Variants in GMDS observed in about 807,000 individuals in gnomAD.
GMDS encodes the protein GDP-mannose 4,6-dehydratase.
In GMDS, 20 loss-of-function variants were observed where a neutral mutation model predicts 49.9. That is an observed-to-expected ratio of 0.40 (90% confidence interval 0.28 to 0.58). The LOEUF is 0.58. Ranked by LOEUF, GMDS falls within the 20% of genes least tolerant of loss-of-function variation. GMDS has a pLI of 0.42. For synonymous variants in GMDS, 177 were observed against 178.6 expected, an observed-to-expected ratio of 0.99 and a Z score of 0.07; for missense variants, 362 against 481.4, an observed-to-expected ratio of 0.75 and a Z score of 2.32.
chr6:1,762,755 T>C (rs1768207567), intron 7 of GMDS, among the ~76,000 whole-genome samples: 1 of 152,214 alleles, frequency 6.6e-6, no homozygotes, highest in Non-Finnish European at 1.5e-5. Context: ...TCCCTGTTCA[T>C]TTTTTACAGA....
intron 1 of GMDS, among the ~76,000 whole-genome samples, chr6:2,183,426 T>C (rs1040482576): frequency 1.3e-5 from 2 of 152,204 alleles, no homozygotes; most frequent in Non-Finnish European, 2.9e-5. Context: ...AGCCTGAAGA[T>C]AGGACTGAAT....
At chr6:2,160,068 A>G (rs1178555398) in intron 1 of GMDS, among the ~76,000 whole-genome samples, 1 of 152,246 alleles carries the variant, frequency 6.6e-6, no homozygotes, top group Non-Finnish European at 1.5e-5. Context: ...AGTTAATAGA[A>G]AGCAACTATG....
chr6:1,861,490 G>GCTGTT (rs1338470500), intron 7 of GMDS, among the ~76,000 whole-genome samples: 1 of 151,996 alleles, frequency 6.6e-6, no homozygotes, highest in East Asian at 1.9e-4. Flanking sequence ...ATCAGGAGAG[G>GCTGTT]CTGTTCCAGT....
At chr6:2,023,574 A>G (rs1013372566) in intron 4 of GMDS, among the ~76,000 whole-genome samples, 2 of 152,342 alleles carry the variant, frequency 1.3e-5, no homozygotes, top group African/African-American at 4.8e-5. Context: ...AACACAGAAT[A>G]CAAAAGACTC....
At chr6:1,701,678 T>C (rs1279973819) in intron 9 of GMDS, among the ~76,000 whole-genome samples, 1 of 152,124 alleles carries the variant, frequency 6.6e-6, no homozygotes, top group Non-Finnish European at 1.5e-5. Context: ...CCAACGTTAA[T>C]CCATTAAATC....
At chr6:2,006,688 T>C (rs1323650393) in intron 4 of GMDS, among the ~76,000 whole-genome samples, 1 of 152,210 alleles carries the variant, frequency 6.6e-6, no homozygotes, top group Non-Finnish European at 1.5e-5. Flanking sequence ...TCCCTCTCAA[T>C]AATTTCTACC....
chr6:1,811,181 T>C (rs1051213710), intron 7 of GMDS, among the ~76,000 whole-genome samples: 4 of 152,212 alleles, frequency 2.6e-5, no homozygotes, highest in Non-Finnish European at 5.9e-5. Context: ...GCTCATATAT[T>C]TCTGAAGTTG....
chr6:1,647,303 C>T (rs900044283), intron 9 of GMDS, among the ~76,000 whole-genome samples: 7 of 152,128 alleles, frequency 4.6e-5, no homozygotes, highest in African/African-American at 1.7e-4. Context: ...GCAGGGCATT[C>T]GGAGTTTCAC....
intron 7 of GMDS, among the ~76,000 whole-genome samples, chr6:1,911,433 T>G (rs1330446971): frequency 1.8e-4 from 28 of 152,210 alleles, no homozygotes; most frequent in Admixed American, 1.8e-3. Context: ...AAAGAGACAG[T>G]TAGAAATGGT....
At chr6:1,737,727 AACACAC>A (rs371454063) in intron 8 of GMDS, among the ~76,000 whole-genome samples, 1 of 137,852 alleles carries the variant, frequency 7.3e-6, no homozygotes, top group Non-Finnish European at 1.6e-5. Flanking sequence ...ACACACCACA[AACACAC>A]ACACACATAC....
At chr6:1,629,861 C>T (rs1299052511) in intron 9 of GMDS, among the ~76,000 whole-genome samples, 7 of 152,198 alleles carry the variant, frequency 4.6e-5, no homozygotes, top group African/African-American at 1.7e-4. Context: ...GAAAGAAATG[C>T]ATCCATCCGT....
intron 1 of GMDS, among the ~76,000 whole-genome samples, chr6:2,230,322 A>G (rs1002399704): frequency 2.6e-5 from 4 of 152,240 alleles, no homozygotes; most frequent in African/African-American, 9.6e-5. Flanking sequence ...ATATTTAAAG[A>G]GAAGAAAAAC....
chr6:2,028,955 A>G (rs1028074976), intron 4 of GMDS, among the ~76,000 whole-genome samples: 2 of 151,806 alleles, frequency 1.3e-5, no homozygotes, highest in Admixed American at 6.6e-5. Context: ...GAGGATGATT[A>G]TACAAGATAG....
intron 8 of GMDS, among the ~76,000 whole-genome samples, chr6:1,730,974 A>G (rs1766778617): frequency 6.6e-6 from 1 of 152,220 alleles, no homozygotes; most frequent in African/African-American, 2.4e-5. Flanking sequence ...ATCAGAAACA[A>G]AATAAAACAA....
intron 7 of GMDS, among the ~76,000 whole-genome samples, chr6:1,830,609 C>G (rs187908198): frequency 5.9e-5 from 9 of 152,266 alleles, no homozygotes; most frequent in Non-Finnish European, 1.3e-4. Flanking sequence ...TACAACACTT[C>G]TCTAGTTTTT....
At position 1,635,273 on chromosome 6, in the gene GMDS, A is replaced by G. The variant is rs532352931; in HGVS notation, c.988-10733T>C. Among the ~76,000 whole-genome samples, 1 of 152,232 alleles carries G rather than the reference A, an allele frequency of 6.6e-6. No homozygotes were observed. Among genetic ancestry groups the G allele is most frequent in the South Asian group, 2.1e-4 (1 of 4,822 alleles). On this transcript the variant is annotated intron_variant, in intron 9 of 10. Coordinates refer to ENST00000380815, the MANE Select transcript of GMDS (RefSeq NM_001500.4). The surrounding 1 kb of genome is among the most constrained non-coding windows in gnomAD (Gnocchi z 4.7). ...GGGCTCCGTTTCACATGTCCTGGCT[A>G]TGCTCCTGTGAAAGGCAGGCTGAGG...
At chr6:1,628,721 T>C (rs1170221177) in intron 9 of GMDS, among the ~76,000 whole-genome samples, 1 of 152,222 alleles carries the variant, frequency 6.6e-6, no homozygotes, top group East Asian at 1.9e-4. Flanking sequence ...TTGGAAGAAA[T>C]TGACTCTTGA....
Position 1,624,153 on chromosome 6 carries a change from G to C in GMDS, c.*16C>G. The C allele has an allele frequency of 6.2e-7, 1 of 1,604,978 alleles. No individual in the cohort carries two copies. The highest frequency in any genetic ancestry group is 8.5e-7 in the Non-Finnish European group (1 of 1,178,290). ...GGGATTGTAGCCGGAGGGCGGGCCGGGCTCCGAGGCGCTGCTCAGGCATTG... is the reference window on the plus strand; with the variant it reads ...GGGATTGTAGCCGGAGGGCGGGCCGCGCTCCGAGGCGCTGCTCAGGCATTG... On this transcript the variant is annotated 3_prime_UTR_variant, in exon 11 of 11. Coordinates refer to ENST00000380815, the MANE Select transcript of GMDS (RefSeq NM_001500.4).
intron 4 of GMDS, among the ~76,000 whole-genome samples, chr6:2,030,744 C>A (rs377359798): frequency 2.0e-5 from 3 of 152,104 alleles, no homozygotes; most frequent in Non-Finnish European, 2.9e-5. Context: ...AGGCCGTGTG[C>A]GCTAGATAAA....
Sources: allele counts gnomAD v4.1 joint callset (sites outside exome capture counted in the v4.1 genomes callset), GRCh38; gene constraint gnomAD v4.1.1; non-coding constraint Gnocchi (gnomAD v3.1); transcripts MANE v1.5; gene names NCBI Gene and HGNC (gene_info 2026-07-23, HGNC 2026-07-21).